ZFHX3: variants seen among roughly 807,000 people sequenced by gnomAD.
The protein encoded by ZFHX3 is zinc finger homeobox 3, also known as zinc finger homeobox protein 3.
In ZFHX3, 42 loss-of-function variants were observed where a neutral mutation model predicts 279.1. The observed-to-expected ratio is 0.15, with a 90% CI of 0.12 to 0.19. The LOEUF (loss-of-function observed/expected upper bound fraction) is 0.19, where lower values mean the gene tolerates loss of function less well. ZFHX3 is among the 10% of genes least tolerant of loss of function. ZFHX3 has a pLI of 1.00. For missense variants in ZFHX3, 4,981 were observed against 4,754.0 expected (o/e 1.05, Z -1.40); for synonymous variants, 2,293 against 1,957.8 (o/e 1.17, Z -4.52).
chr16:73,405,410 C>T (rs1239659140), intron 3 of ZFHX3, among the ~76,000 whole-genome samples: 3 of 152,154 alleles, frequency 2.0e-5, no homozygotes, highest in African/African-American at 7.2e-5. Context: ...CAAACAGAAC[C>T]CAGATCTAAT....
At chr16:72,843,685 T>G (rs1353185907) in intron 4 of ZFHX3, among the ~76,000 whole-genome samples, 1 of 152,138 alleles carries the variant, frequency 6.6e-6, no homozygotes, top group African/African-American at 2.4e-5. Flanking sequence ...CCTCACACCC[T>G]GCTCCCTGGG....
At chr16:73,201,717 A>G (rs1242710213) in intron 5 of ZFHX3, among the ~76,000 whole-genome samples, 2 of 152,194 alleles carry the variant, frequency 1.3e-5, no homozygotes, top group Non-Finnish European at 2.9e-5. Flanking sequence ...AAAAATAATA[A>G]TGAAGATGAA....
chr16:73,639,783 T>G (rs1220428747), intron 2 of ZFHX3, among the ~76,000 whole-genome samples: 2 of 151,782 alleles, frequency 1.3e-5, no homozygotes, highest in Non-Finnish European at 1.5e-5. Context: ...GACTAAAAAA[T>G]GCATAAACAC....
chr16:73,476,723 A>G (rs2018772381), intron 2 of ZFHX3, among the ~76,000 whole-genome samples: 1 of 152,210 alleles, frequency 6.6e-6, no homozygotes, highest in South Asian at 2.1e-4. Context: ...GTGCTTCACC[A>G]AAGTTTGGGT....
intron 1 of ZFHX3, among the ~76,000 whole-genome samples, chr16:73,866,381 G>A (rs1053879297): frequency 1.3e-5 from 2 of 151,544 alleles, no homozygotes; most frequent in Admixed American, 6.6e-5. Flanking sequence ...GTTTCACCAT[G>A]TTGCCCTGGT....
intron 4 of ZFHX3, among the ~76,000 whole-genome samples, chr16:73,269,355 T>C (rs1253737155): frequency 6.6e-6 from 1 of 152,214 alleles, no homozygotes; most frequent in Non-Finnish European, 1.5e-5. Flanking sequence ...AGCCCAGGAA[T>C]CTACTGATCT....
At chr16:72,835,302 C>T (rs2037162469) in intron 4 of ZFHX3, among the ~76,000 whole-genome samples, 2 of 152,036 alleles carry the variant, frequency 1.3e-5, no homozygotes, top group South Asian at 2.1e-4. Flanking sequence ...CTCTGACAGG[C>T]GAGATGTGCA....
chr16:73,544,853 C>T lies in ZFHX3; in HGVS notation c.-1546-88595G>A, dbSNP rs976482232. Among the ~76,000 whole-genome samples the T allele has an allele frequency of 4.6e-5, 7 of 152,170 alleles. No individual in the cohort carries two copies. In the East Asian group the frequency reaches 1.4e-3, roughly 29 times the overall value. On this transcript the variant is annotated intron_variant, in intron 2 of 17. Coordinates refer to the ZFHX3 transcript ENST00000641206. ...CATGACTTCTTGTTTTCCTCATTAG[C>T]CCTAAAAACATTTGCCTTTGGAGAG...
intron 2 of ZFHX3, among the ~76,000 whole-genome samples, chr16:73,478,530 G>A (rs567823736): frequency 1.3e-5 from 2 of 152,276 alleles, no homozygotes; most frequent in African/African-American, 4.8e-5. Flanking sequence ...TGGGCAAACT[G>A]GGACCTCTTG....
rs552152228 is a variant in ZFHX3 at position 73,371,134 on chromosome 16, C to T, written c.-1290-52798G>A. On this transcript the variant is annotated intron_variant, in intron 3 of 17. Coordinates refer to the ZFHX3 transcript ENST00000641206. The stretch of plus-strand genomic sequence containing the variant: ...GTCAGGAGTTCAAGACCAGCCTGGC[C>T]GACATGGTGAAAACCTGTCTCTACT... Among the ~76,000 whole-genome samples, 11 of 151,842 alleles carry T rather than the reference C, an allele frequency of 7.2e-5. No individual in the cohort carries two copies. In the South Asian group the frequency reaches 8.4e-4, roughly 12 times the overall value.
At chr16:73,598,915 A>G (rs2052081226) in intron 2 of ZFHX3, among the ~76,000 whole-genome samples, 1 of 152,116 alleles carries the variant, frequency 6.6e-6, no homozygotes, top group Admixed American at 6.5e-5. Flanking sequence ...GGAGCCTGCC[A>G]CCACGCCTGG....
intron 1 of ZFHX3, among the ~76,000 whole-genome samples, chr16:73,872,614 G>C (rs2029865253): frequency 1.3e-5 from 2 of 150,658 alleles, no homozygotes; most frequent in African/African-American, 4.9e-5. Flanking sequence ...TGAATTGTCG[G>C]ACAGTTATCT....
intron 5 of ZFHX3, among the ~76,000 whole-genome samples, chr16:73,170,672 C>T (rs1597200450): frequency 6.6e-6 from 1 of 152,128 alleles, no homozygotes; most frequent in East Asian, 1.9e-4. Flanking sequence ...ATATGCTGAG[C>T]TAGGAAAGGT....
intron 1 of ZFHX3, among the ~76,000 whole-genome samples, chr16:73,757,823 C>T (rs1045679637): frequency 6.6e-6 from 1 of 152,186 alleles, no homozygotes; most frequent in Non-Finnish European, 1.5e-5. Context: ...TATCCGCTCT[C>T]CTGTGTCCAA....
intron 3 of ZFHX3, among the ~76,000 whole-genome samples, chr16:73,375,398 C>T (rs910284978): frequency 1.4e-4 from 22 of 152,040 alleles, no homozygotes; most frequent in Admixed American, 1.3e-3. Context: ...CTCCAAAAAG[C>T]CCTGGGTCCT....
intron 2 of ZFHX3, among the ~76,000 whole-genome samples, chr16:73,575,147 T>C (rs375499239): frequency 1.6e-4 from 25 of 152,330 alleles, no homozygotes; most frequent in African/African-American, 5.5e-4. Context: ...TGAGGGCTCC[T>C]ACCCACCCCA....
At chr16:73,401,621 G>A (rs541533799) in intron 3 of ZFHX3, 2 of 152,152 alleles carry the variant, frequency 1.3e-5, no homozygotes, top group Non-Finnish European at 2.9e-5. Flanking sequence ...ACAAAGCCCA[G>A]CCCTGTCCCC....
chr16:73,179,243 T>C (rs1234122070), intron 5 of ZFHX3, among the ~76,000 whole-genome samples: 1 of 152,210 alleles, frequency 6.6e-6, no homozygotes, highest in Non-Finnish European at 1.5e-5. Context: ...GTTTACTTCA[T>C]TGAGATCTTT....
chr16:72,873,067 C>T (rs965701740), intron 4 of ZFHX3, among the ~76,000 whole-genome samples: 1 of 152,178 alleles, frequency 6.6e-6, no homozygotes, highest in East Asian at 1.9e-4. Flanking sequence ...TCCTCACCCT[C>T]GAAGGCCCAG....
Sources: allele counts gnomAD v4.1 joint callset (sites outside exome capture counted in the v4.1 genomes callset), GRCh38; gene constraint gnomAD v4.1.1; transcripts MANE v1.5; gene names NCBI Gene and HGNC (gene_info 2026-07-23, HGNC 2026-07-21).